Variants in CARMIL3 observed in about 807,000 individuals in gnomAD.
CARMIL3 encodes capping protein, Arp2/3 and myosin-I linker protein 3.
A neutral mutation model predicts 180.8 loss-of-function variants in CARMIL3; 88 were observed. The observed-to-expected ratio is 0.49, with a 90% CI of 0.41 to 0.58. CARMIL3 has a LOEUF of 0.58. Among genes scored for constraint, CARMIL3 ranks in the 20% least tolerant of loss-of-function variants. The pLI is 0.00. For missense variants in CARMIL3, 1,548 were observed against 1,787.0 expected (o/e 0.87, Z 2.41); for synonymous variants, 696 against 714.5 (o/e 0.97, Z 0.41).
At chr14:24,067,545 A>G (rs1053395846) in intron 36 of CARMIL3, among the ~76,000 whole-genome samples, 1 of 152,222 alleles carries the variant, frequency 6.6e-6, no homozygotes, top group African/African-American at 2.4e-5. Context: ...CCCATTCTGC[A>G]TCTGCCCCTC....
At chr14:24,056,596 G>A (rs370798452) in intron 11 of CARMIL3, 26 bp from the exon 12 acceptor site, 2 of 1,612,288 alleles carry the variant, frequency 1.2e-6, no homozygotes, top group Non-Finnish European at 1.7e-6. Context: ...CCCCTCACTG[G>A]GCCCGTTTCT....
chr14:24,055,232 C>T lies in CARMIL3; in HGVS notation c.532-5C>T. 6.2e-7 allele frequency: 1 copy of T among 1,614,080 alleles called. No individual in the cohort carries two copies. Among genetic ancestry groups the T allele is most frequent in the South Asian group, 1.1e-5 (1 of 91,068 alleles). On this transcript the variant is annotated splice_region_variant and splice_polypyrimidine_tract_variant and intron_variant, in intron 7 of 39. Transcript: ENST00000342740. ...GCAGGTGTGAGCCAGTTCCACCTCT[C>T]CAAGGATGTGGACACCATCTACCAT...
rs1035445285 is a variant in CARMIL3, at chr14:24,059,499, A to C, written c.1799+57A>C. The C allele has an allele frequency of 1.3e-6, 2 of 1,537,348 alleles. No homozygotes were observed. The highest frequency in any genetic ancestry group is 2.8e-5 in the African/African-American group (2 of 72,538). On this transcript the variant is annotated intron_variant, in intron 21 of 39. Coordinates refer to ENST00000342740, the MANE Select transcript of CARMIL3 (RefSeq NM_138360.4). The surrounding 1 kb of genome is among the most constrained non-coding windows in gnomAD (Gnocchi z 6.3). ...AGCCCCAGCCCCTCCCCATATGTAC[A>C]TAATCTCCCTGCTTTCCTTGATGCT...
intron 2 of CARMIL3, 134 bp from the exon 3 acceptor site, chr14:24,053,945 GGACTGTGTT>G (rs1276734583): frequency 1.7e-6 from 2 of 1,162,966 alleles, no homozygotes; most frequent in African/African-American, 3.1e-5. Context: ...AGGCAGGGCT[GGACTGTGTT>G]GATGTCCAGA....
intron 10 of CARMIL3, 139 bp downstream of exon 10, chr14:24,055,928 A>G: frequency 2.4e-6 from 2 of 825,412 alleles, no homozygotes; most frequent in South Asian, 3.2e-5. Context: ...AGGCCAAAAG[A>G]GGGCACAAAG....
chr14:24,065,343 C>T, intron 33 of CARMIL3, 70 bp downstream of exon 33: 1 of 1,355,710 alleles, frequency 7.4e-7, no homozygotes, highest in Non-Finnish European at 9.8e-7. Flanking sequence ...TCCTACCCCA[C>T]CCCAAGCTTA....
chr14:24,061,735 G>C lies in CARMIL3; in HGVS notation c.2480+63G>C. 1.3e-6 allele frequency: 2 copies of C among 1,520,422 alleles called. No homozygotes were observed. The highest frequency in any genetic ancestry group is 1.8e-6 in the Non-Finnish European group (2 of 1,114,794). 94.2% of individuals were successfully genotyped at this position (1,520,422 alleles called of 1,614,324 possible). A position where few individuals can be genotyped will look rare whatever the true frequency, so the allele number is the denominator to read the frequency against. ...TTGGCCCAGATCACTTAGGGACTTA[G>C]GACTGGAGAGCTATCAGCAATGAAT... On this transcript the variant is annotated intron_variant, in intron 27 of 39. Transcript: ENST00000342740. This position sits in a 1 kb window ranked among gnomAD's most constrained non-coding sequence, Gnocchi z 4.1.
intron 14 of CARMIL3, among the ~76,000 whole-genome samples, chr14:24,057,454 A>C (rs570124481): frequency 6.6e-6 from 1 of 152,178 alleles, no homozygotes; most frequent in Admixed American, 6.5e-5. Context: ...CTTAAAAGCC[A>C]GCCCTTGCTC....
chr14:24,069,042 G>A (rs1594557519), intron 38 of CARMIL3, 76 bp downstream of exon 38: 1 of 1,583,584 alleles, frequency 6.3e-7, no homozygotes, highest in Non-Finnish European at 8.6e-7. Context: ...CTCTTCCAGA[G>A]CATGGAATGA....
chr14:24,055,751 C>T lies in CARMIL3; in HGVS notation c.732C>T (p.Ser244=). ...TACATACCCTAAGCAAGTCGGGGAG[C>T]CTCGAAGAGCTGGTGCTGGACAACG... ...QVLHTLSKSG[S]LEELVLDNAG... Residue 244 remains serine, a synonymous_variant, in exon 10 of 40, where the codon AGC becomes AGT. Coordinates refer to ENST00000342740, the MANE Select transcript of CARMIL3 (RefSeq NM_138360.4). 6.2e-7 allele frequency: 1 copy of T among 1,614,054 alleles called. No individual in the cohort carries two copies. The highest frequency in any genetic ancestry group is 8.5e-7 in the Non-Finnish European group (1 of 1,180,000).
rs377169521 is a variant in CARMIL3 at position 24,054,726 on chromosome 14, T to C, written c.378T>C (p.Arg126=). The C allele has an allele frequency of 6.2e-6, 10 of 1,613,788 alleles. No individual in the cohort carries two copies. In the African/African-American group the frequency reaches 1.3e-4, roughly 22 times the overall value. The change falls in exon 6 of 40, where the codon CGT becomes CGC. Residue 126 remains arginine (R), a synonymous_variant. Coordinates refer to ENST00000342740, the MANE Select transcript of CARMIL3 (RefSeq NM_138360.4). The surrounding 1 kb of genome is among the most constrained non-coding windows in gnomAD (Gnocchi z 5.1). ...TCTTTTCCAGGTGTTTGATCCGGCG[T>C]GGAAACGCAGACACCCCAGAGGGGC... ...VCPGPGCLIR[R]GNADTPEGPR...
chr14:24,066,139 G>A (rs1382744203), intron 34 of CARMIL3, among the ~76,000 whole-genome samples: 1 of 152,014 alleles, frequency 6.6e-6, no homozygotes. Context: ...TAAAATCGCA[G>A]GCTTTTTGAA....
rs2035658535 is a variant in CARMIL3 at position 24,055,103 on chromosome 14, C to T, written c.498C>T (p.Tyr166=). Reference sequence around the variant, plus strand: ...AGACCTACGCTGCTCTGTGTGACTACAATGGGCTACACTGCCGTGAGGAGG... The same window carrying T: ...AGACCTACGCTGCTCTGTGTGACTATAATGGGCTACACTGCCGTGAGGAGG... The part of the protein sequence containing the change: ...FSETYAALCD[Y]NGLHCREEVQ... Residue 166 remains tyrosine (Y), a synonymous_variant, in exon 7 of 40, where the codon TAC becomes TAT. Coordinates refer to ENST00000342740, the MANE Select transcript of CARMIL3 (RefSeq NM_138360.4). The T allele has an allele frequency of 1.9e-6, 3 of 1,613,850 alleles. No individual in the cohort carries two copies. Among genetic ancestry groups the T allele is most frequent in the Non-Finnish European group, 2.5e-6 (3 of 1,180,020 alleles).
At position 24,061,037 on chromosome 14, in the gene CARMIL3, G is replaced by T. The variant is rs2035727670; in HGVS notation, c.2301G>T (p.Leu767=). Residue 767 remains leucine (L), a synonymous_variant, in exon 26 of 40, where the codon CTG becomes CTT. Coordinates refer to ENST00000342740, the MANE Select transcript of CARMIL3 (RefSeq NM_138360.4). The surrounding 1 kb of genome is among the most constrained non-coding windows in gnomAD (Gnocchi z 4.1). The part of the protein sequence containing the change: ...SEVSKAVDKE[L]QVILESMVSL... ...TGTCCAAAGCTGTGGACAAGGAGCT[G>T]CAGGCAAGTCCTGGAGGAGGGAGGA... 1 of 1,551,378 alleles carries T rather than the reference G, an allele frequency of 6.4e-7. No individual in the cohort carries two copies. The highest frequency in any genetic ancestry group is 1.2e-5 in the South Asian group (1 of 84,062).
In CARMIL3 at chr14:24,058,696, C is replaced by A; in HGVS notation, c.1409C>A (p.Ala470Asp). The A allele has an allele frequency of 6.2e-7, 1 of 1,614,092 alleles. No homozygotes were observed. The highest frequency in any genetic ancestry group is 1.1e-5 in the South Asian group (1 of 91,080). ...LSSCELRSAG[A>D]QALQEQLGAV... ...TCCCTGCAGCTCCGTTCAGCGGGAG[C>A]CCAAGCCTTGCAGGAGCAGCTGGGA... The change falls in exon 18 of 40, where the codon GCC (alanine) becomes GAC (aspartate). Residue 470 changes from alanine (A) to aspartate (D), a missense_variant. Ala to Asp is a moderately radical substitution (Grantham distance 126). Around this residue, in one of 4 missense-constraint regions of CARMIL3, gnomAD observed 578 missense variants for 666.5 expected, o/e 0.87. Coordinates refer to ENST00000342740, the MANE Select transcript of CARMIL3 (RefSeq NM_138360.4). This position sits in a 1 kb window ranked among gnomAD's most constrained non-coding sequence, Gnocchi z 6.4.
chr14:24,063,016 C>G, intron 29 of CARMIL3, 104 bp from the exon 30 acceptor site: 1 of 1,542,454 alleles, frequency 6.5e-7, no homozygotes, highest in South Asian at 1.2e-5. Flanking sequence ...AGTGCCTCAG[C>G]CCCCTGAGGA....
chr14:24,061,659 C>G lies in CARMIL3; in HGVS notation c.2467C>G (p.Gln823Glu). ...ALLEQAGQDI[Q>E]NKLDEVKLSV... is the part of the protein sequence containing the mutation. Reference sequence around the variant, plus strand: ...GCTGGAGCAAGCAGGACAGGACATTCAGAACAAGCTGGAGTGAGAGGCAAA... The same window carrying G: ...GCTGGAGCAAGCAGGACAGGACATTGAGAACAAGCTGGAGTGAGAGGCAAA... The change falls in exon 27 of 40, where the codon CAG (glutamine) becomes GAG (glutamate). Residue 823 changes from glutamine (Q) to glutamate (E), a missense_variant. By Grantham distance (29) the Gln-to-Glu change is conservative. This residue lies in a region of CARMIL3 where 297 missense variants were observed against 415.9 expected (regional missense o/e 0.71). Coordinates refer to ENST00000342740, the MANE Select transcript of CARMIL3 (RefSeq NM_138360.4). The surrounding 1 kb of genome is among the most constrained non-coding windows in gnomAD (Gnocchi z 4.1). 1 of 1,613,362 alleles carries G rather than the reference C, an allele frequency of 6.2e-7. No individual in the cohort carries two copies. Among genetic ancestry groups the G allele is most frequent in the Non-Finnish European group, 8.5e-7 (1 of 1,179,768 alleles).
In CARMIL3 at chr14:24,059,163, G is replaced by T; in HGVS notation, c.1600G>T (p.Val534Leu). The change falls in exon 20 of 40, where the codon GTG (valine) becomes TTG (leucine). Residue 534 changes from valine (V) to leucine (L), a missense_variant. Val to Leu is a conservative substitution (Grantham distance 32). Around this residue, in one of 4 missense-constraint regions of CARMIL3, gnomAD observed 5 missense variants for 16.9 expected, o/e 0.30. Transcript: ENST00000342740. This position sits in a 1 kb window ranked among gnomAD's most constrained non-coding sequence, Gnocchi z 6.3. ...CCTGGAGGAGATCCTCCACAAGCTG[G>T]TGCAGCTGATCCAGGAAGAGGACTG... ...KTLEEILHKL[V>L]QLIQEEDCSL... 1 of 1,610,396 alleles carries T rather than the reference G, an allele frequency of 6.2e-7. No homozygotes were observed. Among genetic ancestry groups the T allele is most frequent in the Non-Finnish European group, 8.5e-7 (1 of 1,178,700 alleles).
rs531623651 is a variant in CARMIL3, at chr14:24,069,434, G to C, written c.*30G>C. The C allele has an allele frequency of 1.2e-6, 2 of 1,613,940 alleles. No homozygotes were observed. Among genetic ancestry groups the C allele is most frequent in the Non-Finnish European group, 1.7e-6 (2 of 1,179,944 alleles). On this transcript the variant is annotated 3_prime_UTR_variant, in exon 40 of 40. Coordinates refer to ENST00000342740, the MANE Select transcript of CARMIL3 (RefSeq NM_138360.4). ...TGCCACAACACCCTCCTCAGCCCTCGACATGTGCCTCGCAAGGACTCAGAC... is the reference window on the plus strand; with the variant it reads ...TGCCACAACACCCTCCTCAGCCCTCCACATGTGCCTCGCAAGGACTCAGAC...
Sources: allele counts gnomAD v4.1 joint callset (sites outside exome capture counted in the v4.1 genomes callset), GRCh38; gene constraint gnomAD v4.1.1; regional missense constraint gnomAD v4.1.1; non-coding constraint Gnocchi (gnomAD v3.1); transcripts MANE v1.5; gene names NCBI Gene and HGNC (gene_info 2026-07-23, HGNC 2026-07-21).